PTPRR: variants seen among roughly 807,000 people sequenced by gnomAD.
PTPRR encodes the protein protein tyrosine phosphatase receptor type R.
PTPRR carries 38 observed loss-of-function variants against 77.2 expected under a neutral mutation model. The ratio of observed to expected loss-of-function variants is 0.49; its 90% CI spans 0.38 to 0.65. PTPRR has a LOEUF of 0.65. Ranked by LOEUF, PTPRR falls within the 30% of genes least tolerant of loss-of-function variation. The pLI, the probability that PTPRR is intolerant of heterozygous loss-of-function variation, is 0.00. For missense variants in PTPRR, 744 were observed against 799.2 expected (o/e 0.93, Z 0.83); for synonymous variants, 299 against 283.1 (o/e 1.06, Z -0.57).
At chr12:70,835,545 C>T (rs1892286019) in intron 2 of PTPRR, among the ~76,000 whole-genome samples, 1 of 151,958 alleles carries the variant, frequency 6.6e-6, no homozygotes, top group South Asian at 2.1e-4. Flanking sequence ...TGTTACACTG[C>T]CAGCCAAGCT....
At chr12:70,910,150 A>G (rs539056440) in intron 1 of PTPRR, among the ~76,000 whole-genome samples, 3 of 152,260 alleles carry the variant, frequency 2.0e-5, no homozygotes, top group South Asian at 2.1e-4. Flanking sequence ...TACAGGACCA[A>G]TGAAAGTTTT....
intron 5 of PTPRR, among the ~76,000 whole-genome samples, chr12:70,748,405 T>A (rs975391162): frequency 6.6e-6 from 1 of 152,236 alleles, no homozygotes; most frequent in Non-Finnish European, 1.5e-5. Context: ...AGCATATTCA[T>A]ATTTCTCTAT....
At chr12:70,810,414 C>T (rs1891788733) in intron 2 of PTPRR, among the ~76,000 whole-genome samples, 1 of 152,144 alleles carries the variant, frequency 6.6e-6, no homozygotes, top group South Asian at 2.1e-4. Context: ...AATATCATTA[C>T]TTTCACAGAG....
intron 1 of PTPRR, among the ~76,000 whole-genome samples, chr12:70,915,024 A>C (rs756411472): frequency 2.0e-5 from 3 of 152,172 alleles, no homozygotes; most frequent in African/African-American, 4.8e-5. Flanking sequence ...ATAACAAAAA[A>C]TCAATGACAA....
chr12:70,913,573 G>C (rs1482024287), intron 1 of PTPRR, among the ~76,000 whole-genome samples: 1 of 152,044 alleles, frequency 6.6e-6, no homozygotes, highest in African/African-American at 2.4e-5. Flanking sequence ...TTCTTAAGTA[G>C]TACTGGAAAA....
chr12:70,730,146 C>G lies in PTPRR; in HGVS notation c.1007+15672G>C, dbSNP rs191872073. 3.8e-3 allele frequency among the ~76,000 whole-genome samples: 583 copies of G among 152,240 alleles called. 2 individuals carry two copies. Among genetic ancestry groups the G allele is most frequent in the Non-Finnish European group, 4.3e-3 (292 of 68,006 alleles). On this transcript the variant is annotated intron_variant, in intron 6 of 13. Coordinates refer to ENST00000283228, the MANE Select transcript of PTPRR (RefSeq NM_002849.4). ...AATGAGAATTTCTGTCACACCCAAG[C>G]CTCGATTTTTACTTTTACAGTATAG...
chr12:70,786,823 C>A (rs973809442), intron 2 of PTPRR, among the ~76,000 whole-genome samples: 3 of 152,078 alleles, frequency 2.0e-5, no homozygotes, highest in African/African-American at 7.2e-5. Context: ...TTTTAACATG[C>A]AAATAAAAAC....
intron 1 of PTPRR, among the ~76,000 whole-genome samples, chr12:70,895,155 G>A (rs3923629): frequency 0.072 from 10,871 of 151,634 alleles, 533 homozygotes; most frequent in Non-Finnish European, 0.11. Context: ...AAGGCTTGAT[G>A]GAAAGCAAAG....
rs1893843491 is a variant in PTPRR, at chr12:70,920,649, T to A, written c.-259A>T. On this transcript the variant is annotated 5_prime_UTR_variant, in exon 1 of 14. The change creates a new upstream start codon in the 5' untranslated region. Transcript: ENST00000283228. The stretch of plus-strand genomic sequence containing the variant: ...GCTCAGAGGCGGCAAATGCCTGGCC[T>A]TCTGGACGCCCAGAAGCCAAGGCGG... 7.6e-6 allele frequency: 3 copies of A among 395,646 alleles called. No homozygotes were observed. The South Asian group carries it at 8.8e-5, about 12-fold the overall frequency. 24.5% of individuals were successfully genotyped at this position (395,646 alleles called of 1,614,324 possible).
intron 1 of PTPRR, among the ~76,000 whole-genome samples, chr12:70,899,121 A>C (rs1433297830): frequency 6.6e-6 from 1 of 151,514 alleles, no homozygotes; most frequent in Non-Finnish European, 1.5e-5. Context: ...AAATGGCATA[A>C]TTGAAAATGT....
At chr12:70,771,677 G>C (rs1157414021) in intron 2 of PTPRR, among the ~76,000 whole-genome samples, 1 of 152,126 alleles carries the variant, frequency 6.6e-6, no homozygotes. Context: ...TTTTGCTTTA[G>C]TTTAGTTCCA....
chr12:70,870,543 A>G (rs1398428451), intron 2 of PTPRR, among the ~76,000 whole-genome samples: 1 of 152,230 alleles, frequency 6.6e-6, no homozygotes, highest in African/African-American at 2.4e-5. Context: ...TCTCATTTCA[A>G]TGTCCTAATC....
intron 2 of PTPRR, among the ~76,000 whole-genome samples, chr12:70,856,807 A>C (rs560221261): frequency 1.2e-3 from 183 of 150,358 alleles, no homozygotes; most frequent in Non-Finnish European, 2.3e-3. Context: ...GCAGGAAGAG[A>C]GAGAGAGAGA....
At chr12:70,837,894 C>T (rs1047700149) in intron 2 of PTPRR, among the ~76,000 whole-genome samples, 5 of 152,080 alleles carry the variant, frequency 3.3e-5, no homozygotes, top group Non-Finnish European at 7.4e-5. Flanking sequence ...AGGTTGCCAG[C>T]CTTCAGTCAA....
chr12:70,834,837 T>C (rs972847991), intron 2 of PTPRR, among the ~76,000 whole-genome samples: 1 of 152,144 alleles, frequency 6.6e-6, no homozygotes, highest in African/African-American at 2.4e-5. Flanking sequence ...CCTTCCTGGC[T>C]AGAGAATATT....
chr12:70,660,837 G>T (rs1478243067), intron 12 of PTPRR, 103 bp downstream of exon 12: 3 of 1,129,348 alleles, frequency 2.7e-6, no homozygotes, highest in Non-Finnish European at 2.4e-6. Flanking sequence ...TATTTAATTT[G>T]CCAACAAAGT....
intron 2 of PTPRR, among the ~76,000 whole-genome samples, chr12:70,798,482 T>C (rs963238985): frequency 7.9e-5 from 12 of 152,244 alleles, no homozygotes; most frequent in African/African-American, 2.7e-4. Context: ...CTACTGCTTT[T>C]ACAACAGGCT....
intron 4 of PTPRR, among the ~76,000 whole-genome samples, chr12:70,756,923 G>A (rs1279898880): frequency 2.0e-5 from 3 of 152,144 alleles, no homozygotes; most frequent in Non-Finnish European, 4.4e-5. Flanking sequence ...AAGTGCAAAT[G>A]TTACAAAGTA....
intron 2 of PTPRR, among the ~76,000 whole-genome samples, chr12:70,777,725 G>C (rs895408607): frequency 6.6e-6 from 1 of 152,036 alleles, no homozygotes; most frequent in Admixed American, 6.6e-5. Context: ...ATGGGTCCAG[G>C]GTCACCCTAA....
Sources: allele counts gnomAD v4.1 joint callset (sites outside exome capture counted in the v4.1 genomes callset), GRCh38; gene constraint gnomAD v4.1.1; transcripts MANE v1.5; gene names NCBI Gene and HGNC (gene_info 2026-07-23, HGNC 2026-07-21).